FHIT: variants seen among roughly 807,000 people sequenced by gnomAD.
FHIT encodes fragile histidine triad diadenosine triphosphatase, also known as bis(5'-adenosyl)-triphosphatase.
FHIT carries 19 observed loss-of-function variants against 17.9 expected under a neutral mutation model. That is an observed-to-expected ratio of 1.06 (90% CI 0.74 to 1.56). The LOEUF (loss-of-function observed/expected upper bound fraction) is 1.56, where lower values mean the gene tolerates loss of function less well. FHIT is among the 40% of genes most tolerant of loss of function. The pLI, the probability that FHIT is intolerant of heterozygous loss-of-function variation, is 0.00. For missense variants in FHIT, 248 were observed against 189.2 expected, an observed-to-expected ratio of 1.31 and a Z score of -1.82; for synonymous variants, 81 against 69.7, an observed-to-expected ratio of 1.16 and a Z score of -0.81.
At chr3:60,632,935 C>G (rs2039484558) in intron 4 of FHIT, among the ~76,000 whole-genome samples, 2 of 152,178 alleles carry the variant, frequency 1.3e-5, no homozygotes, top group South Asian at 4.2e-4. Flanking sequence ...AATGCAGAAT[C>G]TTGAAACCTG....
rs112513375 is a variant in FHIT, at chr3:60,924,620, G to C, written c.-110-102609C>G. Among the ~76,000 whole-genome samples, 706 of 152,260 alleles carry C rather than the reference G, an allele frequency of 4.6e-3. 9 individuals are homozygous for C. The highest frequency in any genetic ancestry group is 0.015 in the Admixed American group (228 of 15,298). ...ACAAAGATGGGGAAAAAACAGAGCA[G>C]AAAAACTGGAAACTCTAAAAATCAG... On this transcript the variant is annotated intron_variant, in intron 3 of 9. Transcript: ENST00000492590.
At chr3:60,072,729 A>G (rs1702832826) in intron 5 of FHIT, among the ~76,000 whole-genome samples, 1 of 152,196 alleles carries the variant, frequency 6.6e-6, no homozygotes, top group Non-Finnish European at 1.5e-5. Context: ...TAACCCTTGC[A>G]GCATATACCA....
rs980506955 is a variant in FHIT at position 61,211,491 on chromosome 3, A to C, written c.-212-10826T>G. Among the ~76,000 whole-genome samples, 9 of 152,224 alleles carry C rather than the reference A, an allele frequency of 5.9e-5. No homozygotes were observed. In the South Asian group the frequency reaches 1.9e-3, roughly 32 times the overall value. On this transcript the variant is annotated intron_variant, in intron 1 of 9. Coordinates refer to ENST00000492590, the MANE Select transcript of FHIT (RefSeq NM_002012.4). ...TTGCCCAGGCTTGCTTAGGTAAACA[A>C]AGCTGCCAGGAAGCATGAACTGGGT...
chr3:60,478,544 A>T (rs1357717419), intron 5 of FHIT, among the ~76,000 whole-genome samples: 2 of 152,230 alleles, frequency 1.3e-5, no homozygotes, highest in African/African-American at 4.8e-5. Flanking sequence ...ATCTGGCAGA[A>T]GTATGAGAAG....
At chr3:61,133,113 C>G (rs2036813695) in intron 2 of FHIT, among the ~76,000 whole-genome samples, 1 of 152,350 alleles carries the variant, frequency 6.6e-6, no homozygotes. Context: ...ATGCCACTTT[C>G]TAAAGGAAGA....
chr3:61,077,591 G>GTGTTT (rs980779125), intron 2 of FHIT, among the ~76,000 whole-genome samples: 1 of 152,076 alleles, frequency 6.6e-6, no homozygotes, highest in African/African-American at 2.4e-5. Flanking sequence ...AGAATCCTAA[G>GTGTTT]TGTTTACACC....
intron 8 of FHIT, among the ~76,000 whole-genome samples, chr3:59,824,221 G>C (rs1559637988): frequency 6.6e-6 from 1 of 152,196 alleles, no homozygotes; most frequent in Non-Finnish European, 1.5e-5. Context: ...TTGGAAAGAA[G>C]GTTGGAGGAG....
intron 5 of FHIT, among the ~76,000 whole-genome samples, chr3:60,433,519 T>G (rs1390685324): frequency 6.6e-6 from 1 of 152,098 alleles, no homozygotes; most frequent in Non-Finnish European, 1.5e-5. Context: ...TGCATCGTTT[T>G]ATTTTCCCAC....
chr3:60,164,919 C>T (rs555885681), intron 5 of FHIT, among the ~76,000 whole-genome samples: 1 of 152,268 alleles, frequency 6.6e-6, no homozygotes, highest in South Asian at 2.1e-4. Context: ...CTCCAATTTT[C>T]CAGGACAGAT....
intron 5 of FHIT, among the ~76,000 whole-genome samples, chr3:60,231,097 C>T (rs758972601): frequency 9.8e-5 from 15 of 152,298 alleles, no homozygotes; most frequent in African/African-American, 2.9e-4. Flanking sequence ...TGGTCAAATA[C>T]GCCAATAAAG....
intron 3 of FHIT, among the ~76,000 whole-genome samples, chr3:60,962,364 T>C (rs756844103): frequency 1.5e-4 from 23 of 152,354 alleles, no homozygotes; most frequent in Non-Finnish European, 2.2e-4. Flanking sequence ...TGTACAGTCA[T>C]GTCATCTGCA....
intron 5 of FHIT, among the ~76,000 whole-genome samples, chr3:60,455,857 T>C (rs997860183): frequency 1.3e-5 from 2 of 152,086 alleles, no homozygotes; most frequent in African/African-American, 4.8e-5. Flanking sequence ...TCAGAGAAAT[T>C]CATCAAGAGG....
intron 4 of FHIT, among the ~76,000 whole-genome samples, chr3:60,623,722 T>C (rs2039200112): frequency 2.6e-5 from 4 of 152,304 alleles, no homozygotes; most frequent in East Asian, 1.9e-4. Flanking sequence ...AAATGGACTG[T>C]CATGGTAGTA....
intron 4 of FHIT, among the ~76,000 whole-genome samples, chr3:60,649,829 TC>T (rs2039949964): frequency 6.6e-6 from 1 of 152,274 alleles, no homozygotes; most frequent in African/African-American, 2.4e-5. Context: ...CCATTTTGGA[TC>T]TTGAATACAG....
At chr3:60,549,001 A>G (rs78893779) in intron 4 of FHIT, among the ~76,000 whole-genome samples, 16,223 of 152,192 alleles carry the variant, frequency 0.11, 1,120 homozygotes, top group East Asian at 0.22. Flanking sequence ...AGAAATGAGT[A>G]TGACAACAGT....
chr3:60,859,193 G>GT (rs1231824160), intron 3 of FHIT, among the ~76,000 whole-genome samples: 1 of 152,272 alleles, frequency 6.6e-6, no homozygotes, highest in East Asian at 1.9e-4. Flanking sequence ...TTAAGCACAT[G>GT]TTTTTTGGAA....
At chr3:60,301,134 CT>C (rs1038576144) in intron 5 of FHIT, among the ~76,000 whole-genome samples, 4 of 151,982 alleles carry the variant, frequency 2.6e-5, no homozygotes, top group Non-Finnish European at 5.9e-5. Context: ...CTTATTTATC[CT>C]AAAATAAAAT....
chr3:61,072,282 G>C (rs2034831436), intron 2 of FHIT, among the ~76,000 whole-genome samples: 2 of 152,146 alleles, frequency 1.3e-5, no homozygotes, highest in African/African-American at 4.8e-5. Flanking sequence ...CCTATACCCA[G>C]GGACAAGAGG....
At chr3:60,496,942 T>C (rs2034324484) in intron 5 of FHIT, among the ~76,000 whole-genome samples, 1 of 151,608 alleles carries the variant, frequency 6.6e-6, no homozygotes, top group African/African-American at 2.4e-5. Flanking sequence ...GGGATACAGA[T>C]GCACATTAAA....
Sources: gnomAD v4.1 joint callset for allele counts (sites outside exome capture counted in the v4.1 genomes callset) on GRCh38, gnomAD v4.1.1 for gene constraint, MANE v1.5 for transcripts, NCBI Gene and HGNC (gene_info 2026-07-23, HGNC 2026-07-21) for gene names.